The following FGFR1 variants were observed in gnomAD, a reference collection of about 807,000 sequenced individuals.
The protein encoded by FGFR1 is FGFR1/PLAG1 fusion.
FGFR1 carries 18 observed loss-of-function variants against 93.7 expected under a neutral mutation model. The observed-to-expected ratio is 0.19, with a 90% confidence interval of 0.13 to 0.28. FGFR1 has a LOEUF of 0.28. FGFR1 is among the 10% of genes least tolerant of loss of function. FGFR1 has a pLI of 1.00. For missense variants in FGFR1, 731 were observed against 1,080.4 expected, an observed-to-expected ratio of 0.68 and a Z score of 4.53; for synonymous variants, 448 against 429.3, an observed-to-expected ratio of 1.04 and a Z score of -0.54.
intron 2 of FGFR1, among the ~76,000 whole-genome samples, chr8:38,441,106 C>T (rs1000496066): frequency 5.5e-5 from 8 of 145,108 alleles, no homozygotes; most frequent in Non-Finnish European, 1.2e-4. Context: ...CAGCAAGACA[C>T]GTGTAGAATC....
At chr8:38,427,833 T>TA in intron 5 of FGFR1, 88 bp downstream of exon 5, 1 of 1,462,582 alleles carries the variant, frequency 6.8e-7, no homozygotes, top group Non-Finnish European at 9.6e-7. Context: ...AAGTATTACT[T>TA]AAAAAAATGA....
chr8:38,424,164 G>A lies in FGFR1; in HGVS notation c.936+345C>T. Reference sequence around the variant, plus strand: ...GGACACAGGGCTAAGACTGGGAAACGCTTGGTGGAAAGGCTCTGGTTTCGG... The same window carrying A: ...GGACACAGGGCTAAGACTGGGAAACACTTGGTGGAAAGGCTCTGGTTTCGG... On this transcript the variant is annotated intron_variant, in intron 7 of 17. Coordinates refer to ENST00000447712, the MANE Select transcript of FGFR1 (RefSeq NM_023110.3). This position sits in a 1 kb window ranked among gnomAD's most constrained non-coding sequence, Gnocchi z 4.3. 2.3e-6 allele frequency: 1 copy of A among 438,500 alleles called. No individual in the cohort carries two copies. The highest frequency in any genetic ancestry group is 4.4e-6 in the Non-Finnish European group (1 of 227,968). The allele number at this position is 438,500 out of a possible 1,614,324, so 27.2% of individuals were successfully genotyped here. A position where few individuals can be genotyped will look rare whatever the true frequency, so the allele number is the denominator to read the frequency against.
rs2150713229 is a variant in FGFR1, at chr8:38,419,692, C to T, written c.1125G>A (p.Leu375=). The change falls in exon 9 of 18, where the codon CTG becomes CTA. Residue 375 remains leucine, a synonymous_variant. Transcript: ENST00000447712. ...RPAVMTSPLY[L]EIIIYCTGAF... ...CCCCTGTGCAATAGATGATGATCTCCAGGTACAGGGGCGAGGTCATCACTG... is the reference window on the plus strand; with the variant it reads ...CCCCTGTGCAATAGATGATGATCTCTAGGTACAGGGGCGAGGTCATCACTG... 5.0e-6 allele frequency: 8 copies of T among 1,614,150 alleles called. No individual in the cohort carries two copies. The highest frequency in any genetic ancestry group is 6.8e-6 in the Non-Finnish European group (8 of 1,180,028).
chr8:38,446,368 A>C (rs1321274668), intron 2 of FGFR1, among the ~76,000 whole-genome samples: 1 of 148,858 alleles, frequency 6.7e-6, no homozygotes, highest in South Asian at 2.1e-4. Context: ...CCGCCACCAC[A>C]CCCGGCTAGT....
intron 14 of FGFR1, 71 bp from the exon 15 acceptor site, chr8:38,414,700 G>T (rs1815713514): frequency 6.2e-7 from 1 of 1,613,364 alleles, no homozygotes; most frequent in East Asian, 2.2e-5. Flanking sequence ...GAAGGGACTG[G>T]GGGGTGGGTT....
intron 2 of FGFR1, among the ~76,000 whole-genome samples, chr8:38,442,362 GGTGTGTGT>G (rs56889687): frequency 3.4e-5 from 5 of 146,060 alleles, no homozygotes; most frequent in South Asian, 2.2e-4. Context: ...TTGTTAAAGT[GGTGTGTGT>G]GTGTGTGTGT....
rs770145367 is a variant in FGFR1 at position 38,426,403 on chromosome 8, C to T, written c.622-158G>A. Among the ~76,000 whole-genome samples, 5 of 152,158 alleles carry T rather than the reference C, an allele frequency of 3.3e-5. No homozygotes were observed. Among genetic ancestry groups the T allele is most frequent in the Non-Finnish European group, 7.3e-5 (5 of 68,032 alleles). On this transcript the variant is annotated intron_variant, in intron 5 of 17. Transcript: ENST00000447712. The surrounding 1 kb of genome is among the most constrained non-coding windows in gnomAD (Gnocchi z 4.1). ...GCTAGGACAAGGCGTGGATTGCCCC[C>T]CTACCAGCCCGTTCACACTCTGCAA...
At chr8:38,452,914 T>C (rs1050532744) in intron 2 of FGFR1, among the ~76,000 whole-genome samples, 3 of 152,010 alleles carry the variant, frequency 2.0e-5, no homozygotes, top group African/African-American at 2.4e-5. Context: ...GAGGTGGAGG[T>C]TGCAGTGAGC....
Position 38,413,859 on chromosome 8 carries a change from G to A in FGFR1, c.2293-55C>T. 6.2e-7 allele frequency: 1 copy of A among 1,613,518 alleles called. No individual in the cohort carries two copies. Among genetic ancestry groups the A allele is most frequent in the Non-Finnish European group, 8.5e-7 (1 of 1,179,622 alleles). ...GCCGGGCCCCTCCTCCCTGCTCAGG[G>A]AGGTGCGTGCACGCAGTGGGGACGG... On this transcript the variant is annotated intron_variant, in intron 17 of 17. Transcript: ENST00000447712. This position sits in a 1 kb window ranked among gnomAD's most constrained non-coding sequence, Gnocchi z 4.2.
Position 38,426,999 on chromosome 8 carries a change from C to T in FGFR1, c.622-754G>A, listed in dbSNP as rs759299931. Among the ~76,000 whole-genome samples, 7 of 151,576 alleles carry T rather than the reference C, an allele frequency of 4.6e-5. No individual in the cohort carries two copies. Among genetic ancestry groups the T allele is most frequent in the Non-Finnish European group, 7.4e-5 (5 of 67,944 alleles). ...ATGGTGGCTGCACATCCCAGGTACT[C>T]GGGAGGCTGAGGCAGGAGAATGGCA... On this transcript the variant is annotated intron_variant, in intron 5 of 17. Transcript: ENST00000447712. This position sits in a 1 kb window ranked among gnomAD's most constrained non-coding sequence, Gnocchi z 4.1.
chr8:38,434,565 G>C lies in FGFR1; in HGVS notation c.92-4617C>G, dbSNP rs916252820. On this transcript the variant is annotated intron_variant, in intron 2 of 17. Transcript: ENST00000447712. ...AGATTTTCTTATAGTGATTCTCAAAGTCTTGGCAGGCATTCAAACTGGTCC... is the reference window on the plus strand; with the variant it reads ...AGATTTTCTTATAGTGATTCTCAAACTCTTGGCAGGCATTCAAACTGGTCC... 8 of 276,286 alleles carry C rather than the reference G, an allele frequency of 2.9e-5. 1 individual carries two copies. In the Middle Eastern group the frequency reaches 4.4e-3, roughly 153 times the overall value. 17.1% of individuals were successfully genotyped at this position (276,286 alleles called of 1,614,324 possible).
chr8:38,454,805 ATC>A (rs1423248423), intron 2 of FGFR1, among the ~76,000 whole-genome samples: 1 of 152,158 alleles, frequency 6.6e-6, no homozygotes, highest in African/African-American at 2.4e-5. Context: ...TAATGCAGCT[ATC>A]AAGTGGCAGA....
At position 38,424,095 on chromosome 8, in the gene FGFR1, T is replaced by C. The variant is rs1819822642; in HGVS notation, c.936+414A>G. On this transcript the variant is annotated intron_variant, in intron 7 of 17. Transcript: ENST00000447712. The surrounding 1 kb of genome is among the most constrained non-coding windows in gnomAD (Gnocchi z 4.3). ...TTTTCCAACTCTTCGTAAGAGATGC[T>C]CTTATCATGCACCCCATTTGCCAGA... 6.0e-6 allele frequency: 2 copies of C among 331,172 alleles called. No homozygotes were observed. Among genetic ancestry groups the C allele is most frequent in the African/African-American group, 4.3e-5 (2 of 46,986 alleles). 20.5% of individuals were successfully genotyped at this position (331,172 alleles called of 1,614,324 possible).
At chr8:38,419,445 C>A in intron 9 of FGFR1, 88 bp downstream of exon 9, 1 of 1,249,558 alleles carries the variant, frequency 8.0e-7, no homozygotes. Flanking sequence ...AGGCCCAAAG[C>A]TATAAATTAG....
chr8:38,459,871 G>C (rs528590694), intron 1 of FGFR1, among the ~76,000 whole-genome samples: 42 of 152,260 alleles, frequency 2.8e-4, no homozygotes, highest in African/African-American at 9.6e-4. Flanking sequence ...GGCTTGATTT[G>C]CAGTTCCATT....
rs748318003 is a variant in FGFR1 at position 38,414,241 on chromosome 8, G to A, written c.2097C>T (p.Ser699=). ...LLWEIFTLGG[S]PYPGVPVEEL... ...CCTCCACAGGCACACCGGGGTATGG[G>A]GAGCCGCCCAGAGTGAAGATCTCCC... is the stretch of plus-strand genomic sequence containing the variant. The change falls in exon 16 of 18, where the codon TCC becomes TCT. Residue 699 remains serine (S), a synonymous_variant. Transcript: ENST00000447712. 1 of 1,614,180 alleles carries A rather than the reference G, an allele frequency of 6.2e-7. No individual in the cohort carries two copies. Among genetic ancestry groups the A allele is most frequent in the South Asian group, 1.1e-5 (1 of 91,074 alleles).
chr8:38,455,547 T>A (rs1359410575), intron 2 of FGFR1, among the ~76,000 whole-genome samples: 3 of 152,154 alleles, frequency 2.0e-5, no homozygotes, highest in Non-Finnish European at 4.4e-5. Context: ...CGCCTCAGCC[T>A]CCCAAAGTGC....
chr8:38,444,280 T>C (rs1007360300), intron 2 of FGFR1, among the ~76,000 whole-genome samples: 1 of 152,022 alleles, frequency 6.6e-6, no homozygotes, highest in African/African-American at 2.4e-5. Context: ...TCACATCCCA[T>C]CTATCCATAC....
intron 11 of FGFR1, 43 bp from the exon 12 acceptor site, chr8:38,417,459 A>G (rs2150633512): frequency 1.3e-6 from 2 of 1,552,708 alleles, no homozygotes; most frequent in Non-Finnish European, 1.8e-6. Flanking sequence ...GGAAGGGAGG[A>G]GGGCAGGATA....
Sources: gnomAD v4.1 joint callset for allele counts (sites outside exome capture counted in the v4.1 genomes callset) on GRCh38, gnomAD v4.1.1 for gene constraint, Gnocchi (gnomAD v3.1) non-coding constraint, MANE v1.5 for transcripts, NCBI Gene and HGNC (gene_info 2026-07-23, HGNC 2026-07-21) for gene names.